The following SANBR variants were observed in gnomAD, a reference collection of about 807,000 sequenced individuals.
SANBR encodes the protein SANT and BTB domain regulator of class switch recombination.
SANBR carries 77 observed loss-of-function variants against 101.8 expected under a neutral mutation model. The ratio of observed to expected loss-of-function variants is 0.76; its 90% CI spans 0.63 to 0.91. The LOEUF (loss-of-function observed/expected upper bound fraction) is 0.91. SANBR is among the 40% of genes least tolerant of loss of function. The pLI is 0.00. For synonymous variants in SANBR, 279 were observed against 274.7 expected, an observed-to-expected ratio of 1.02 and a Z score of -0.15; for missense variants, 875 against 853.0, an observed-to-expected ratio of 1.03 and a Z score of -0.32.
chr2:61,089,135 T>G (rs1682607316), intron 10 of SANBR: 1 of 982,546 alleles, frequency 1.0e-6, no homozygotes, highest in East Asian at 1.1e-4. Context: ...AAATTTACTT[T>G]CAGGTAAATT....
chr2:61,117,635 G>A, intron 19 of SANBR, 95 bp downstream of exon 19: 1 of 1,144,950 alleles, frequency 8.7e-7, no homozygotes, highest in Non-Finnish European at 1.3e-6. Context: ...TAGCTCTAGA[G>A]TTTCTAGCTA....
intron 16 of SANBR, among the ~76,000 whole-genome samples, chr2:61,110,446 G>A (rs912772159): frequency 6.6e-6 from 1 of 152,242 alleles, no homozygotes; most frequent in Non-Finnish European, 1.5e-5. Flanking sequence ...TTAGGAGGCC[G>A]AGGCAGGCGG....
rs747467424 is a variant in SANBR at position 61,109,342 on chromosome 2, G to C, written c.1744+46G>C. ...ATCAAATCTCCCTGTTTATGAAGGG[G>C]TTACATTCTGAAGCCTTTAATGCAA... On this transcript the variant is annotated intron_variant, in intron 16 of 21. Transcript: ENST00000402291. 19 of 1,096,342 alleles carry C rather than the reference G, an allele frequency of 1.7e-5. No individual in the cohort carries two copies. In the South Asian group the frequency reaches 1.8e-4, roughly 11 times the overall value. The allele number at this position is 1,096,342 out of a possible 1,614,324, so 67.9% of individuals were successfully genotyped here.
At chr2:61,128,082 C>T (rs1214599281), downstream of SANBR, among the ~76,000 whole-genome samples, 1 of 151,856 alleles carries the variant, frequency 6.6e-6, no homozygotes, top group Non-Finnish European at 1.5e-5. Flanking sequence ...ACCATCCTGG[C>T]TAACACGGTG....
At chr2:61,096,312 C>G in intron 11 of SANBR, among the ~76,000 whole-genome samples, 1 of 152,168 alleles carries the variant, frequency 6.6e-6, no homozygotes, top group East Asian at 1.9e-4. Flanking sequence ...GATGCTCTCC[C>G]TAGCCCACAA....
chr2:61,126,519 C>G (rs1684517786), downstream of SANBR, among the ~76,000 whole-genome samples: 1 of 152,128 alleles, frequency 6.6e-6, no homozygotes, highest in East Asian at 1.9e-4. Flanking sequence ...ATCCAACCTT[C>G]AGGCCGGACG....
rs1683417006 is a variant in SANBR at position 61,103,976 on chromosome 2, C to G, written c.1489C>G (p.Pro497Ala). The change falls in exon 13 of 22, where the codon CCT (proline) becomes GCT (alanine). Residue 497 changes from proline to alanine, a missense_variant. Physicochemically the swap from Pro to Ala is conservative, Grantham distance 27. Transcript: ENST00000402291. ...LHKYRDVIVV[P>A]FSKDTVSDVG... ...CAAGTACAGAGATGTCATTGTTGTG[C>G]CTTTTTCAAAAGATACAGTTAGGTG... 4 of 1,613,814 alleles carry G rather than the reference C, an allele frequency of 2.5e-6. No homozygotes were observed. The highest frequency in any genetic ancestry group is 1.6e-4 in the Middle Eastern group (1 of 6,080).
chr2:61,067,301 A>G (rs1032227729), intron 1 of SANBR, among the ~76,000 whole-genome samples: 4 of 152,202 alleles, frequency 2.6e-5, no homozygotes, highest in Non-Finnish European at 2.9e-5. Flanking sequence ...TTGAAATGTA[A>G]GCTTTTAAGT....
intron 16 of SANBR, among the ~76,000 whole-genome samples, chr2:61,109,677 G>GTTTTTTTTTTTTTTTTTTTTTTTTT (rs1363427197): frequency 3.7e-5 from 4 of 109,494 alleles, no homozygotes; most frequent in South Asian, 2.8e-4. Context: ...TTTTTTTTGT[G>GTTTTTTTTTTTTTTTTTTTTTTTTT]TTTGTTTTTT....
At chr2:61,093,659 T>G (rs909307257) in intron 11 of SANBR, among the ~76,000 whole-genome samples, 3 of 152,210 alleles carry the variant, frequency 2.0e-5, no homozygotes, top group Admixed American at 2.0e-4. Flanking sequence ...TGAAAACAAT[T>G]ATTAAAAAAT....
intron 21 of SANBR, among the ~76,000 whole-genome samples, chr2:61,134,623 G>A (rs962120053): frequency 7.2e-5 from 11 of 152,212 alleles, no homozygotes; most frequent in South Asian, 4.1e-4. Flanking sequence ...GGCCAGGCAC[G>A]GTGGCTCACG....
chr2:61,074,785 T>A (rs1681672468), intron 5 of SANBR, among the ~76,000 whole-genome samples: 1 of 152,208 alleles, frequency 6.6e-6, no homozygotes, highest in Non-Finnish European at 1.5e-5. Context: ...AATAATCTAA[T>A]ATTTTATACT....
chr2:61,134,764 C>T (rs1009575822), intron 21 of SANBR, among the ~76,000 whole-genome samples: 1 of 152,062 alleles, frequency 6.6e-6, no homozygotes, highest in Non-Finnish European at 1.5e-5. Flanking sequence ...TGTGGTGGCA[C>T]ATGCCTGTAG....
rs1345199247 is a variant in SANBR at position 61,071,790 on chromosome 2, C to T, written c.335C>T (p.Thr112Ile). The T allele has an allele frequency of 2.0e-5, 31 of 1,588,966 alleles. No homozygotes were observed. Among genetic ancestry groups the T allele is most frequent in the Non-Finnish European group, 2.6e-5 (30 of 1,169,432 alleles). ...TPVGHDAVSK[T>I]GRHSIASTRN... ...GTTGGACATGATGCAGTTTCCAAAA[C>T]TGGTAAGGTTTTAAACTAAAATGTA... The change falls in exon 4 of 22, where the codon ACT (threonine) becomes ATT (isoleucine). Residue 112 changes from threonine to isoleucine, a missense_variant and splice_region_variant. Coordinates refer to ENST00000402291, the MANE Select transcript of SANBR (RefSeq NM_001129993.3).
chr2:61,086,070 A>G (rs886916997), intron 8 of SANBR, among the ~76,000 whole-genome samples: 2 of 152,238 alleles, frequency 1.3e-5, no homozygotes, highest in African/African-American at 2.4e-5. Context: ...ATCCATGAAT[A>G]TGGTATAACC....
chr2:61,120,993 G>A (rs1293468301), intron 20 of SANBR, among the ~76,000 whole-genome samples, 192 bp from the exon 21 acceptor site: 1 of 152,050 alleles, frequency 6.6e-6, no homozygotes, highest in Non-Finnish European at 1.5e-5. Context: ...TTATAAAACT[G>A]TATGCATTTG....
At position 61,115,999 on chromosome 2, in the gene SANBR, A is replaced by G. The variant is rs146888479; in HGVS notation, c.1765A>G (p.Lys589Glu). Residue 589 changes from lysine to glutamate, a missense_variant, in exon 17 of 22, where the codon AAG becomes GAG. Lys to Glu is a moderately conservative substitution (Grantham distance 56). Transcript: ENST00000402291. ...ATCAGGGAAAAAGGAGAAGCCAAAG[A>G]AGTTCACTAGACAACCAAAAAAGCA... ...KKQRKKEKPK[K>E]FTRQPKKQVS... is the part of the protein sequence containing the mutation. 5.0e-5 allele frequency: 80 copies of G among 1,611,618 alleles called. No individual in the cohort carries two copies. The African/African-American group carries it at 9.9e-4, about 20-fold the overall frequency.
chr2:61,085,158 G>C (rs923231323), intron 8 of SANBR, among the ~76,000 whole-genome samples: 1 of 152,214 alleles, frequency 6.6e-6, no homozygotes, highest in Non-Finnish European at 1.5e-5. Context: ...ACTTAAAATA[G>C]AAATTTAAGA....
chr2:61,116,202 G>T (rs1300416720), intron 17 of SANBR, 132 bp downstream of exon 17: 3 of 595,836 alleles, frequency 5.0e-6, no homozygotes, highest in Admixed American at 3.4e-5. Flanking sequence ...TTTATAGACT[G>T]AGATTAAAGA....
Sources: gnomAD v4.1 joint callset for allele counts (sites outside exome capture counted in the v4.1 genomes callset) on GRCh38, gnomAD v4.1.1 for gene constraint, MANE v1.5 for transcripts, NCBI Gene and HGNC (gene_info 2026-07-23, HGNC 2026-07-21) for gene names.